The following SYTL3 variants were observed in gnomAD, a reference collection of about 807,000 sequenced individuals.
SYTL3 encodes synaptotagmin like 3.
SYTL3 carries 88 observed loss-of-function variants against 82.1 expected under a neutral mutation model. The ratio of observed to expected loss-of-function variants is 1.07; its 90% CI spans 0.90 to 1.28. The LOEUF (loss-of-function observed/expected upper bound fraction) is 1.28. Among genes scored for constraint, SYTL3 ranks in the 50% most tolerant of loss-of-function variants. SYTL3 has a pLI of 0.00. For synonymous variants in SYTL3, 311 were observed against 289.4 expected (o/e 1.07, Z -0.76); for missense variants, 831 against 757.6 (o/e 1.10, Z -1.14).
chr6:158,761,534 T>C (rs906475560), intron 15 of SYTL3, among the ~76,000 whole-genome samples: 5 of 151,912 alleles, frequency 3.3e-5, no homozygotes, highest in Non-Finnish European at 5.9e-5. Flanking sequence ...GGTCTCGATC[T>C]CCTGACCTCA....
intron 10 of SYTL3, among the ~76,000 whole-genome samples, chr6:158,719,543 A>G (rs910364732): frequency 2.0e-5 from 3 of 152,190 alleles, no homozygotes; most frequent in African/African-American, 7.2e-5. Context: ...CGAGGTGTCT[A>G]GACAGTTTGA....
intron 14 of SYTL3, among the ~76,000 whole-genome samples, chr6:158,759,408 G>A (rs1290128548): frequency 6.6e-6 from 1 of 152,228 alleles, no homozygotes; most frequent in Non-Finnish European, 1.5e-5. Flanking sequence ...CGGGCTCCCA[G>A]GAGTCCTGAG....
chr6:158,683,168 C>T (rs969631552), intron 6 of SYTL3, among the ~76,000 whole-genome samples, 179 bp downstream of exon 6: 5 of 151,100 alleles, frequency 3.3e-5, no homozygotes, highest in African/African-American at 1.2e-4. Context: ...CCTCTGCTCG[C>T]TACTCTTCCC....
intron 11 of SYTL3, among the ~76,000 whole-genome samples, chr6:158,733,389 C>A (rs532837101): frequency 6.6e-6 from 1 of 152,108 alleles, no homozygotes; most frequent in African/African-American, 2.4e-5. Context: ...TGCAGTGGCC[C>A]AACCTCAGTT....
intron 6 of SYTL3, among the ~76,000 whole-genome samples, chr6:158,683,215 CTTTTTTTT>C (rs35183958): frequency 2.2e-5 from 2 of 92,112 alleles, no homozygotes; most frequent in Non-Finnish European, 4.0e-5. Flanking sequence ...GGCCCTATTC[CTTTTTTTT>C]TTTTTTTTTT....
chr6:158,673,736 C>G (rs1255366662), intron 5 of SYTL3, among the ~76,000 whole-genome samples: 1 of 151,350 alleles, frequency 6.6e-6, no homozygotes, highest in Non-Finnish European at 1.5e-5. Flanking sequence ...CCACGCCCCG[C>G]CAGGAACAGC....
At chr6:158,687,549 T>G (rs1779423201) in intron 6 of SYTL3, among the ~76,000 whole-genome samples, 1 of 152,230 alleles carries the variant, frequency 6.6e-6, no homozygotes, top group African/African-American at 2.4e-5. Flanking sequence ...TACCAAATCC[T>G]GTGTTCCTTG....
chr6:158,707,161 A>G (rs369731968), intron 6 of SYTL3, 69 bp from the exon 7 acceptor site: 41 of 1,439,778 alleles, frequency 2.8e-5, no homozygotes, highest in Non-Finnish European at 4.0e-5. Flanking sequence ...TTAATCTACT[A>G]TTTCCTGTAT....
chr6:158,755,730 G>A (rs142742000), intron 13 of SYTL3, among the ~76,000 whole-genome samples: 36 of 152,284 alleles, frequency 2.4e-4, no homozygotes, highest in African/African-American at 7.7e-4. Flanking sequence ...CAAACAAACC[G>A]CACAGCTGCT....
At chr6:158,759,065 C>A (rs895297954) in intron 14 of SYTL3, among the ~76,000 whole-genome samples, 1 of 152,222 alleles carries the variant, frequency 6.6e-6, no homozygotes, top group African/African-American at 2.4e-5. Context: ...CTGAATCCCC[C>A]GTGCACCCTG....
chr6:158,648,262 C>T (rs528088423), upstream of SYTL3, among the ~76,000 whole-genome samples: 1 of 151,754 alleles, frequency 6.6e-6, no homozygotes, highest in Admixed American at 6.6e-5. Flanking sequence ...CATTGCACTC[C>T]AGCCCGGGTA....
At chr6:158,732,607 C>T (rs1785548530) in intron 11 of SYTL3, among the ~76,000 whole-genome samples, 1 of 152,228 alleles carries the variant, frequency 6.6e-6, no homozygotes, top group Non-Finnish European at 1.5e-5. Context: ...CCCTGCAGGT[C>T]AGCCCTCAAG....
intron 10 of SYTL3, among the ~76,000 whole-genome samples, chr6:158,723,776 C>T (rs1784397158): frequency 6.6e-6 from 1 of 152,210 alleles, no homozygotes; most frequent in South Asian, 2.1e-4. Context: ...CACCTTCATT[C>T]TTGAACCCCT....
intron 2 of SYTL3, among the ~76,000 whole-genome samples, chr6:158,654,413 G>A (rs1023135378): frequency 6.6e-6 from 1 of 152,188 alleles, no homozygotes; most frequent in African/African-American, 2.4e-5. Flanking sequence ...AACTGTGTTT[G>A]TCTGGATGCC....
chr6:158,707,275 A>T lies in SYTL3; in HGVS notation c.440A>T (p.Lys147Met). ...GGGCAGCTCTTGCAATCTTATCAGA[A>T]GCTGAGGTGAGTGTTACAAAGGACA... ...VGGQLLQSYQ[K>M]LSKISVVPPT... is the part of the protein sequence containing the mutation. Residue 147 changes from lysine to methionine, a missense_variant, in exon 7 of 18, where the codon AAG becomes ATG. Coordinates refer to ENST00000611299, the MANE Select transcript of SYTL3 (RefSeq NM_001242394.2). 6.2e-7 allele frequency: 1 copy of T among 1,613,900 alleles called. No individual in the cohort carries two copies. The highest frequency in any genetic ancestry group is 1.7e-5 in the Admixed American group (1 of 60,034).
chr6:158,704,047 G>A (rs1781655318), intron 6 of SYTL3, among the ~76,000 whole-genome samples: 1 of 151,536 alleles, frequency 6.6e-6, no homozygotes, highest in South Asian at 2.1e-4. Context: ...GGCTAGTCTC[G>A]AACTTCTGGC....
At chr6:158,711,530 G>A (rs1247842206) in intron 8 of SYTL3, among the ~76,000 whole-genome samples, 2 of 152,162 alleles carry the variant, frequency 1.3e-5, no homozygotes, top group African/African-American at 4.8e-5. Context: ...CAGGAAAGCT[G>A]ATGGTGTTGT....
intron 7 of SYTL3, 23 bp from the exon 8 acceptor site, chr6:158,708,299 T>C: frequency 6.2e-7 from 1 of 1,602,440 alleles, no homozygotes; most frequent in Non-Finnish European, 8.6e-7. Context: ...ACCCATTTCT[T>C]ATGCCTGTGT....
intron 8 of SYTL3, among the ~76,000 whole-genome samples, chr6:158,709,030 C>T (rs529282503): frequency 8.5e-5 from 13 of 152,144 alleles, no homozygotes; most frequent in African/African-American, 2.7e-4. Context: ...GATAGGAGTT[C>T]GAGACCAGCC....
Sources: allele counts gnomAD v4.1 joint callset (sites outside exome capture counted in the v4.1 genomes callset), GRCh38; gene constraint gnomAD v4.1.1; transcripts MANE v1.5; gene names NCBI Gene and HGNC (gene_info 2026-07-23, HGNC 2026-07-21).